SDK2: variants seen among roughly 807,000 people sequenced by gnomAD.
SDK2 encodes the protein sidekick cell adhesion molecule 2.
SDK2 carries 105 observed loss-of-function variants against 253.9 expected under a neutral mutation model. That is an observed-to-expected ratio of 0.41 (90% CI 0.35 to 0.49). SDK2 has a LOEUF of 0.49. SDK2 is among the 20% of genes least tolerant of loss of function. The probability of loss-of-function intolerance (pLI) is 0.06; values close to 1 mark genes in which losing one functional copy is unlikely to be tolerated. For synonymous variants in SDK2, 1,249 were observed against 1,234.9 expected (o/e 1.01, Z -0.24); for missense variants, 2,608 against 3,003.0 (o/e 0.87, Z 3.07).
intron 1 of SDK2, among the ~76,000 whole-genome samples, chr17:73,596,166 G>A (rs72845799): frequency 0.18 from 27,973 of 152,154 alleles, 2,769 homozygotes; most frequent in African/African-American, 0.2. Flanking sequence ...GTCCTGGGCA[G>A]CTTTGGGACA....
chr17:73,547,447 C>T (rs1038199019), intron 1 of SDK2, among the ~76,000 whole-genome samples: 6 of 152,240 alleles, frequency 3.9e-5, no homozygotes, highest in African/African-American at 9.6e-5. Flanking sequence ...AGGGACAGGA[C>T]GAACCTCTCT....
intron 1 of SDK2, among the ~76,000 whole-genome samples, chr17:73,641,965 C>G (rs2046404214): frequency 6.6e-6 from 1 of 152,312 alleles, no homozygotes; most frequent in South Asian, 2.1e-4. Context: ...CTGGAAAACA[C>G]TCTCGGAGCC....
Position 73,358,160 on chromosome 17 carries a change from A to C in SDK2, c.5512T>G (p.Ser1838Ala). Residue 1838 changes from serine to alanine, a missense_variant, in exon 40 of 45, where the codon TCT becomes GCT. Ser to Ala is a moderately conservative substitution (Grantham distance 99). Around this residue, in one of 2 missense-constraint regions of SDK2, gnomAD observed 1,103 missense variants for 1,143.9 expected, o/e 0.96. Coordinates refer to ENST00000392650, the MANE Select transcript of SDK2 (RefSeq NM_001144952.2). ...CTGGACCAGTGAATGGCGATGGCAG[A>C]GCTGTACCGCACGATGATGGGCACG... ...PGVPIIVRYSSAIAIHWSSGD... is the reference protein window; with the variant it reads ...PGVPIIVRYSAAIAIHWSSGD... 6.2e-6 allele frequency: 10 copies of C among 1,612,546 alleles called. No individual in the cohort carries two copies. The highest frequency in any genetic ancestry group is 8.5e-6 in the Non-Finnish European group (10 of 1,179,532).
At chr17:73,577,793 A>G (rs991586033) in intron 1 of SDK2, among the ~76,000 whole-genome samples, 1 of 152,202 alleles carries the variant, frequency 6.6e-6, no homozygotes, top group Non-Finnish European at 1.5e-5. Context: ...CCTCCATAGA[A>G]GTCCATGCCC....
intron 36 of SDK2, among the ~76,000 whole-genome samples, chr17:73,376,132 T>G (rs1275657057): frequency 6.6e-6 from 1 of 151,020 alleles, no homozygotes; most frequent in Non-Finnish European, 1.5e-5. Flanking sequence ...AGGTGGGGGT[T>G]GCAGTGAGCT....
intron 18 of SDK2, among the ~76,000 whole-genome samples, chr17:73,412,780 T>C (rs1172263869): frequency 6.6e-6 from 1 of 152,028 alleles, no homozygotes; most frequent in African/African-American, 2.4e-5. Flanking sequence ...TAGCCAGACA[T>C]GGTGGCACAT....
In SDK2 at chr17:73,369,184, T is replaced by TA. The variant is rs141549202; in HGVS notation, c.4981-592dup. On this transcript the variant is annotated intron_variant, in intron 36 of 44. Coordinates refer to ENST00000392650, the MANE Select transcript of SDK2 (RefSeq NM_001144952.2). ...ACCATAGCGCTGGCACATCAGCACTTAGTACAGTTCCTGGAGGAATAAAGC... is the reference window on the plus strand; with the variant it reads ...ACCATAGCGCTGGCACATCAGCACTTAAGTACAGTTCCTGGAGGAATAAAGC... The TA allele has an allele frequency of 1.3e-5, 6 of 470,792 alleles. No homozygotes were observed. The East Asian group carries it at 4.2e-4, about 33-fold the overall frequency. The allele number at this position is 470,792 out of a possible 1,614,324, so 29.2% of individuals were successfully genotyped here.
intron 1 of SDK2, among the ~76,000 whole-genome samples, chr17:73,548,438 T>C (rs1420115194): frequency 6.6e-6 from 1 of 152,250 alleles, no homozygotes; most frequent in Non-Finnish European, 1.5e-5. Flanking sequence ...GCTTTCCTGC[T>C]GCTCTCTAAG....
rs1025216163 is a variant in SDK2 at position 73,393,650 on chromosome 17, C to T, written c.3808G>A (p.Val1270Met). The T allele has an allele frequency of 7.5e-6, 12 of 1,600,966 alleles. No homozygotes were observed. Among genetic ancestry groups the T allele is most frequent in the South Asian group, 2.2e-5 (2 of 89,744 alleles). ...GCCAGCACCTGGACTTCATAGAGCACGTATTTGCCCAAGCCGGTGAGCTGG... is the reference window on the plus strand; with the variant it reads ...GCCAGCACCTGGACTTCATAGAGCATGTATTTGCCCAAGCCGGTGAGCTGG... ...SAQLTGLGKY[V>M]LYEVQVLAFT... is the part of the protein sequence containing the mutation. The change falls in exon 27 of 45, where the codon GTG (valine) becomes ATG (methionine). Residue 1270 changes from valine (V) to methionine (M), a missense_variant. By Grantham distance (21) the Val-to-Met change is conservative. Around this residue, in one of 2 missense-constraint regions of SDK2, gnomAD observed 1,505 missense variants for 1,859.1 expected, o/e 0.81. Coordinates refer to ENST00000392650, the MANE Select transcript of SDK2 (RefSeq NM_001144952.2).
Position 73,507,521 on chromosome 17 carries a change from T to C in SDK2, c.141A>G (p.Thr47=). 3.2e-6 allele frequency: 5 copies of C among 1,551,688 alleles called. No homozygotes were observed. Among genetic ancestry groups the C allele is most frequent in the Middle Eastern group, 1.7e-4 (1 of 5,990 alleles). ...GTGGCCAGCTGCCCTCGGCCATGCATGTAAGCACCAGGCGGTTTCCTTCCA... is the reference window on the plus strand; with the variant it reads ...GTGGCCAGCTGCCCTCGGCCATGCACGTAAGCACCAGGCGGTTTCCTTCCA... ...VHLEGNRLVL[T]CMAEGSWPLE... is the part of the protein sequence containing the mutation. The change falls in exon 2 of 45, where the codon ACA becomes ACG. Residue 47 remains threonine, a synonymous_variant. Coordinates refer to ENST00000392650, the MANE Select transcript of SDK2 (RefSeq NM_001144952.2).
intron 1 of SDK2, chr17:73,519,881 G>A (rs1219063407): frequency 6.6e-6 from 1 of 152,166 alleles, no homozygotes; most frequent in African/African-American, 2.4e-5. Context: ...CATTCATCAG[G>A]CTGGTGACCC....
intron 1 of SDK2, among the ~76,000 whole-genome samples, chr17:73,628,778 T>C (rs945226416): frequency 1.3e-5 from 2 of 152,192 alleles, no homozygotes; most frequent in African/African-American, 4.8e-5. Flanking sequence ...CTCACCACAC[T>C]TCAGAGAGGT....
Position 73,599,532 on chromosome 17 carries a change from C to CAA in SDK2, c.64+44491_64+44492dup, listed in dbSNP as rs201148895. On this transcript the variant is annotated intron_variant, in intron 1 of 44. Transcript: ENST00000392650. ...CCTGGATGACAGTGAGGTTCCATCT[C>CAA]AAAAAAAAAAATTAAATTAAATAAA... Among the ~76,000 whole-genome samples, 1,127 of 129,772 alleles carry CAA rather than the reference C, an allele frequency of 8.7e-3. 20 individuals are homozygous for CAA. The highest frequency in any genetic ancestry group is 0.03 in the African/African-American group (1,068 of 35,692). The allele number at this position is 129,772 out of a possible 152,430, so 85.1% of individuals were successfully genotyped here.
At chr17:73,373,880 GC>G (rs1156856724) in intron 36 of SDK2, among the ~76,000 whole-genome samples, 1 of 149,026 alleles carries the variant, frequency 6.7e-6, no homozygotes, top group African/African-American at 2.6e-5. Context: ...CAGGTGATCT[GC>G]CTACCTTGGC....
At chr17:73,523,639 A>C (rs904790296) in intron 1 of SDK2, among the ~76,000 whole-genome samples, 5 of 152,094 alleles carry the variant, frequency 3.3e-5, no homozygotes, top group African/African-American at 4.8e-5. Flanking sequence ...CTGCAGAGGG[A>C]GCGTGGCCTT....
chr17:73,593,977 C>T (rs866466689), intron 1 of SDK2, among the ~76,000 whole-genome samples: 1 of 152,204 alleles, frequency 6.6e-6, no homozygotes, highest in South Asian at 2.1e-4. Context: ...TTCAACCTCC[C>T]CATGTAACAG....
At position 73,541,858 on chromosome 17, in the gene SDK2, T is replaced by C. The variant is rs1185848890; in HGVS notation, c.65-34261A>G. Among the ~76,000 whole-genome samples, 1 of 152,192 alleles carries C rather than the reference T, an allele frequency of 6.6e-6. No homozygotes were observed. On this transcript the variant is annotated intron_variant, in intron 1 of 44. Transcript: ENST00000392650. The surrounding 1 kb of genome is among the most constrained non-coding windows in gnomAD (Gnocchi z 4.3). Reference sequence around the variant, plus strand: ...GGAAGATCCTCGTCAATCGGGCTCATGGTTTGGTGGAAACCACCTAGGCTG... The same window carrying C: ...GGAAGATCCTCGTCAATCGGGCTCACGGTTTGGTGGAAACCACCTAGGCTG...
intron 2 of SDK2, among the ~76,000 whole-genome samples, chr17:73,499,171 C>A (rs1484281356): frequency 6.6e-6 from 1 of 152,244 alleles, no homozygotes; most frequent in Non-Finnish European, 1.5e-5. Flanking sequence ...GCCAGAGAAG[C>A]CAGAGATAAA....
chr17:73,431,653 G>C lies in SDK2; in HGVS notation c.1329C>G (p.Ala443=), dbSNP rs757145368. Residue 443 remains alanine, a synonymous_variant, in exon 11 of 45, where the codon GCC becomes GCG. Coordinates refer to ENST00000392650, the MANE Select transcript of SDK2 (RefSeq NM_001144952.2). The surrounding 1 kb of genome is among the most constrained non-coding windows in gnomAD (Gnocchi z 5.6). ...AGCGAGGCAGCTGCACAGAGCCACTGGCCAAGATGCGCTCCCCTGAGGGCA... is the reference window on the plus strand; with the variant it reads ...AGCGAGGCAGCTGCACAGAGCCACTCGCCAAGATGCGCTCCCCTGAGGGCA... ...ITWQKGERIL[A]SGSVQLPRFT... is the part of the protein sequence containing the mutation. 4 of 1,610,242 alleles carry C rather than the reference G, an allele frequency of 2.5e-6. No individual in the cohort carries two copies. In the Admixed American group the frequency reaches 5.0e-5, roughly 20 times the overall value.
Sources: gnomAD v4.1 joint callset for allele counts (sites outside exome capture counted in the v4.1 genomes callset) on GRCh38, gnomAD v4.1.1 for gene constraint, gnomAD v4.1.1 regional missense constraint, Gnocchi (gnomAD v3.1) non-coding constraint, MANE v1.5 for transcripts, NCBI Gene and HGNC (gene_info 2026-07-23, HGNC 2026-07-21) for gene names.